The following CHRNA4 variants were observed in gnomAD, a reference collection of about 807,000 sequenced individuals.
CHRNA4 encodes neuronal acetylcholine receptor subunit alpha-4.
CHRNA4 carries 28 observed loss-of-function variants against 48.9 expected under a neutral mutation model. The observed-to-expected ratio is 0.57, with a 90% CI of 0.42 to 0.79. The LOEUF (loss-of-function observed/expected upper bound fraction) is 0.79, where lower values mean the gene tolerates loss of function less well. Among genes scored for constraint, CHRNA4 ranks in the 30% least tolerant of loss-of-function variants. The pLI is 0.00. For missense variants in CHRNA4, 859 were observed against 898.4 expected (o/e 0.96, Z 0.56); for synonymous variants, 425 against 402.3 (o/e 1.06, Z -0.68).
chr20:63,359,275 G>A, intron 2 of CHRNA4: 1 of 516,136 alleles, frequency 1.9e-6, no homozygotes, highest in Non-Finnish European at 3.5e-6. Flanking sequence ...TTCCGAAGGT[G>A]CCTGGGCTCT....
intron 2 of CHRNA4, among the ~76,000 whole-genome samples, chr20:63,357,056 A>ACTACATC (rs2068730414): frequency 7.8e-6 from 1 of 127,396 alleles, no homozygotes; most frequent in African/African-American, 3.1e-5. Flanking sequence ...AACCCACAGG[A>ACTACATC]CCACATCTCC....
In CHRNA4 at chr20:63,348,895, T is replaced by G. The variant is rs531206053; in HGVS notation, c.1758+758A>C. Among the ~76,000 whole-genome samples the G allele has an allele frequency of 2.0e-5, 3 of 152,268 alleles. No individual in the cohort carries two copies. The East Asian group carries it at 5.8e-4, about 29-fold the overall frequency. On this transcript the variant is annotated intron_variant, in intron 5 of 5. Coordinates refer to ENST00000370263, the MANE Select transcript of CHRNA4 (RefSeq NM_000744.7). ...TGGCTCAGCCCCAGCCTCTCCTGCA[T>G]GGAATGGGTAGGAGACTGCACAGCC... is the stretch of plus-strand genomic sequence containing the variant.
At position 63,343,999 on chromosome 20, in the gene CHRNA4, G is replaced by C. The variant is rs1041028468; in HGVS notation, c.*2739C>G. On this transcript the variant is annotated 3_prime_UTR_variant, in exon 6 of 6. Coordinates refer to ENST00000370263, the MANE Select transcript of CHRNA4 (RefSeq NM_000744.7). ...AGAAAATAAACATGCATAACGGATA[G>C]AGTGCCATGCACACACCGGCACCTC... is the stretch of plus-strand genomic sequence containing the variant. The C allele has an allele frequency of 4.4e-6, 2 of 453,986 alleles. No individual in the cohort carries two copies. The highest frequency in any genetic ancestry group is 8.8e-6 in the Non-Finnish European group (2 of 226,792). 28.1% of individuals were successfully genotyped at this position (453,986 alleles called of 1,614,324 possible).
chr20:63,360,346 G>A (rs2068796635), intron 1 of CHRNA4, among the ~76,000 whole-genome samples: 1 of 152,200 alleles, frequency 6.6e-6, no homozygotes, highest in South Asian at 2.1e-4. Flanking sequence ...CGAGGTGCCA[G>A]CCCCCTCCGC....
chr20:63,350,841 G>C lies in CHRNA4; in HGVS notation c.570C>G (p.Asp190Glu), dbSNP rs554282916. Residue 190 changes from aspartate to glutamate, a missense_variant, in exon 5 of 6, where the codon GAC becomes GAG. Physicochemically the swap from Asp to Glu is conservative, Grantham distance 45. Transcript: ENST00000370263. ...CCACGCGGCTGTGCATGTTCACCAGGTCGATCTTGGCCTTGTCGTAGGTCC... is the reference window on the plus strand; with the variant it reads ...CCACGCGGCTGTGCATGTTCACCAGCTCGATCTTGGCCTTGTCGTAGGTCC... ...GSWTYDKAKI[D>E]LVNMHSRVDQ... 5 of 1,613,890 alleles carry C rather than the reference G, an allele frequency of 3.1e-6. No individual in the cohort carries two copies. In the East Asian group the frequency reaches 1.1e-4, roughly 36 times the overall value.
At position 63,346,013 on chromosome 20, in the gene CHRNA4, C is replaced by A. The variant is rs758623267; in HGVS notation, c.*725G>T. The A allele has an allele frequency of 2.2e-6, 1 of 454,058 alleles. No individual in the cohort carries two copies. Among genetic ancestry groups the A allele is most frequent in the Non-Finnish European group, 4.4e-6 (1 of 226,742 alleles). 28.1% of individuals were successfully genotyped at this position (454,058 alleles called of 1,614,324 possible). On this transcript the variant is annotated 3_prime_UTR_variant, in exon 6 of 6. Coordinates refer to ENST00000370263, the MANE Select transcript of CHRNA4 (RefSeq NM_000744.7). The stretch of plus-strand genomic sequence containing the variant: ...CGCTGGGGCTGGGTGTTCCTGTCCC[C>A]CGCGGAGGGCCTGCGCAGGGGAGAG...
rs762201442 is a variant in CHRNA4 at position 63,350,580 on chromosome 20, C to T, written c.831G>A (p.Leu277=). 2.5e-6 allele frequency: 4 copies of T among 1,613,836 alleles called. No homozygotes were observed. The Admixed American group carries it at 6.7e-5, about 27-fold the overall frequency. The change falls in exon 5 of 6, where the codon CTG becomes CTA. Residue 277 remains leucine, a synonymous_variant. Coordinates refer to ENST00000370263, the MANE Select transcript of CHRNA4 (RefSeq NM_000744.7). ...TGAGCGACAGCAGCACGGAGATGCA[C>T]AGCGTGATCTTCTCGCCACACTCGG... ...LPSECGEKIT[L]CISVLLSLTV... is the part of the protein sequence containing the mutation.
At chr20:63,359,273 G>T in intron 2 of CHRNA4, 1 of 509,204 alleles carries the variant, frequency 2.0e-6, no homozygotes, top group Non-Finnish European at 3.6e-6. Context: ...GCTTCCGAAG[G>T]TGCCTGGGCT....
intron 4 of CHRNA4, among the ~76,000 whole-genome samples, chr20:63,354,025 G>T (rs1198136173): frequency 3.1e-4 from 42 of 137,064 alleles, no homozygotes; most frequent in Non-Finnish European, 5.9e-4. Flanking sequence ...GGTCCTAGGG[G>T]TGTTGTAGTC....
intron 4 of CHRNA4, among the ~76,000 whole-genome samples, chr20:63,354,324 T>C (rs2068685037): frequency 1.7e-5 from 2 of 116,460 alleles, no homozygotes; most frequent in African/African-American, 6.8e-5. Flanking sequence ...GGAGCTGCTG[T>C]CCTAGGGGTG....
chr20:63,355,535 GA>G, intron 4 of CHRNA4: 1 of 1,291,762 alleles, frequency 7.7e-7, no homozygotes, highest in South Asian at 1.2e-5. Context: ...TATTCTCCCA[GA>G]AAGGCCAGGA....
chr20:63,349,474 A>T, intron 5 of CHRNA4, 179 bp downstream of exon 5: 1 of 811,252 alleles, frequency 1.2e-6, no homozygotes, highest in Non-Finnish European at 2.0e-6. Flanking sequence ...TCAGCCTGGG[A>T]CCTGCGGCCA....
intron 5 of CHRNA4, 142 bp from the exon 6 acceptor site, chr20:63,347,005 A>G: frequency 8.3e-7 from 1 of 1,210,822 alleles, no homozygotes; most frequent in Non-Finnish European, 1.2e-6. Flanking sequence ...TGCACGCGGC[A>G]CACAGCTGCA....
chr20:63,359,848 T>G, intron 1 of CHRNA4, 149 bp from the exon 2 acceptor site: 1 of 976,222 alleles, frequency 1.0e-6, no homozygotes, highest in East Asian at 2.7e-5. Context: ...CCAGGACCTG[T>G]GTGTGTGCCG....
intron 5 of CHRNA4, among the ~76,000 whole-genome samples, chr20:63,347,189 G>A (rs1175852737): frequency 1.3e-5 from 2 of 152,242 alleles, no homozygotes; most frequent in African/African-American, 4.8e-5. Flanking sequence ...CAGGCGGCCT[G>A]TGCTCCGGGA....
At chr20:63,357,015 TCCCCACAGAACCACGTC>T (rs1306266170) in intron 2 of CHRNA4, among the ~76,000 whole-genome samples, 25 of 123,726 alleles carry the variant, frequency 2.0e-4, no homozygotes, top group African/African-American at 8.0e-4. Context: ...ATGGACCACA[TCCCCACAGAACCACGTC>T]CCCACAGGAC....
At chr20:63,359,788 T>G (rs1459641491) in intron 1 of CHRNA4, 89 bp from the exon 2 acceptor site, 2 of 1,492,432 alleles carry the variant, frequency 1.3e-6, no homozygotes, top group Non-Finnish European at 1.8e-6. Context: ...CCCAGCCCCC[T>G]GCCCAGCACG....
At chr20:63,355,171 G>A (rs555505989) in intron 4 of CHRNA4, among the ~76,000 whole-genome samples, 3 of 152,340 alleles carry the variant, frequency 2.0e-5, no homozygotes, top group South Asian at 4.1e-4. Flanking sequence ...CATCCCTGGA[G>A]GACTCAGCTC....
In CHRNA4 at chr20:63,355,538, A is replaced by C. The variant is rs555541407; in HGVS notation, c.383+437T>G. 2.6e-5 allele frequency: 34 copies of C among 1,291,952 alleles called. No homozygotes were observed. In the South Asian group the frequency reaches 3.9e-4, roughly 15 times the overall value. 80.0% of individuals were successfully genotyped at this position (1,291,952 alleles called of 1,614,324 possible). Reference sequence around the variant, plus strand: ...TGCAGTCCACACTATTCTCCCAGAAAGGCCAGGATGGGGTCTGATGGCGAA... The same window carrying C: ...TGCAGTCCACACTATTCTCCCAGAACGGCCAGGATGGGGTCTGATGGCGAA... On this transcript the variant is annotated intron_variant, in intron 4 of 5. Transcript: ENST00000370263.
Sources: allele counts gnomAD v4.1 joint callset (sites outside exome capture counted in the v4.1 genomes callset), GRCh38; gene constraint gnomAD v4.1.1; transcripts MANE v1.5; gene names NCBI Gene and HGNC (gene_info 2026-07-23, HGNC 2026-07-21).